VCF1: variants seen among roughly 807,000 people sequenced by gnomAD.
The protein encoded by VCF1 is protein VCF1.
At chr17:73,223,273 C>T in the VCF1 span, among the ~76,000 whole-genome samples, 8 of 152,066 alleles carry the variant, frequency 5.3e-5, no homozygotes, top group Non-Finnish European at 1.0e-4. Context: ...GCCGAGATTG[C>T]GCCATTGCAC....
chr17:73,213,245 G>GA, the VCF1 span, among the ~76,000 whole-genome samples: 86,498 of 145,438 alleles, frequency 0.59, 24,992 homozygotes, highest in Non-Finnish European at 0.62. Context: ...TGTCTCAAAA[G>GA]AAAAAAAAAA....
At chr17:73,219,650 CAAAAAAA>C in the VCF1 span, among the ~76,000 whole-genome samples, 1 of 122,770 alleles carries the variant, frequency 8.1e-6, no homozygotes, top group African/African-American at 3.0e-5. Context: ...ACTCTGTCTC[CAAAAAAA>C]AAGAAAAAAG....
At chr17:73,230,923 T>C in the VCF1 span, among the ~76,000 whole-genome samples, 1 of 152,236 alleles carries the variant, frequency 6.6e-6, no homozygotes, top group African/African-American at 2.4e-5. Context: ...TTTTCAGATA[T>C]GTGAGACACC....
chr17:73,229,867 CAAAAA>C, the VCF1 span, among the ~76,000 whole-genome samples: 7 of 22,622 alleles, frequency 3.1e-4, no homozygotes, highest in African/African-American at 8.8e-4. Flanking sequence ...GACTCCATCT[CAAAAA>C]AAAAAAAAAA....
At chr17:73,219,218 G>GA in the VCF1 span, among the ~76,000 whole-genome samples, 1 of 142,694 alleles carries the variant, frequency 7.0e-6, no homozygotes, top group Non-Finnish European at 1.5e-5. Flanking sequence ...AAAAAACGAC[G>GA]AAACTGCTTG....
the VCF1 span, among the ~76,000 whole-genome samples, chr17:73,221,283 A>C: frequency 1.6e-4 from 24 of 151,740 alleles, no homozygotes; most frequent in South Asian, 8.3e-4. Context: ...TACAAGGCAT[A>C]TACCTAGGTA....
At chr17:73,222,798 A>C in the VCF1 span, among the ~76,000 whole-genome samples, 21 of 151,830 alleles carry the variant, frequency 1.4e-4, no homozygotes, top group Non-Finnish European at 2.9e-4. Flanking sequence ...AAAAGAAAAA[A>C]AAAGAGAAGA....
the VCF1 span, chr17:73,227,398 A>C: frequency 1.4e-6 from 1 of 719,392 alleles, no homozygotes; most frequent in Admixed American, 3.8e-5. Flanking sequence ...ATGATATCCC[A>C]ATAGGTTATC....
chr17:73,220,631 G>C, the VCF1 span, among the ~76,000 whole-genome samples: 2 of 150,998 alleles, frequency 1.3e-5, 1 homozygote, highest in African/African-American at 4.9e-5. Context: ...TGTTAGTAGA[G>C]ACGGGGTTTC....
chr17:73,208,645 T>C, the VCF1 span: 1 of 688,714 alleles, frequency 1.5e-6, no homozygotes, highest in African/African-American at 1.8e-5. Context: ...TACTTGTTGC[T>C]TTAGACATCA....
the VCF1 span, among the ~76,000 whole-genome samples, chr17:73,215,081 C>A: frequency 1.3e-5 from 2 of 152,172 alleles, no homozygotes; most frequent in East Asian, 3.8e-4. Context: ...TGAACACAAG[C>A]AAGATAAATT....
At chr17:73,207,886 T>G in the VCF1 span, 1 of 1,188,444 alleles carries the variant, frequency 8.4e-7, no homozygotes, top group Non-Finnish European at 1.1e-6. Flanking sequence ...CATTAAGATC[T>G]AAAATCCTTG....
At chr17:73,213,655 T>C in the VCF1 span, among the ~76,000 whole-genome samples, 10 of 152,180 alleles carry the variant, frequency 6.6e-5, no homozygotes, top group Non-Finnish European at 1.0e-4. Flanking sequence ...AAGAAACTGA[T>C]AATGAGTAAG....
chr17:73,225,900 T>TATAATA, the VCF1 span, among the ~76,000 whole-genome samples: 2 of 77,898 alleles, frequency 2.6e-5, no homozygotes, highest in African/African-American at 1.3e-4. Context: ...TATATATATA[T>TATAATA]TTTTTTTTTT....
the VCF1 span, among the ~76,000 whole-genome samples, chr17:73,210,378 A>G: frequency 1.3e-5 from 2 of 152,094 alleles, no homozygotes; most frequent in African/African-American, 2.4e-5. Context: ...ATGTGTGTAC[A>G]TGAGCGTGCC....
chr17:73,222,637 C>T, the VCF1 span, among the ~76,000 whole-genome samples: 6 of 151,918 alleles, frequency 3.9e-5, no homozygotes, highest in Admixed American at 3.3e-4. Context: ...ATTTGCTGGG[C>T]GAGCTGGCGG....
chr17:73,218,530 G>A, the VCF1 span, among the ~76,000 whole-genome samples: 3 of 152,194 alleles, frequency 2.0e-5, no homozygotes, highest in African/African-American at 7.2e-5. Flanking sequence ...CCCAGCAGTA[G>A]AAAAAGATGT....
the VCF1 span, among the ~76,000 whole-genome samples, chr17:73,222,862 T>C: frequency 1.3e-5 from 2 of 151,980 alleles, no homozygotes; most frequent in Non-Finnish European, 2.9e-5. Context: ...GAACCTCTGT[T>C]CTATCTTCTG....
At chr17:73,232,330 C>T in the VCF1 span, 1 of 1,545,240 alleles carries the variant, frequency 6.5e-7, no homozygotes, top group South Asian at 1.2e-5. Flanking sequence ...TGGTACCGCC[C>T]TCTCGCGGCT....
Sources: allele counts gnomAD v4.1 joint callset (sites outside exome capture counted in the v4.1 genomes callset), GRCh38; gene constraint gnomAD v4.1.1; transcripts MANE v1.5; gene names NCBI Gene and HGNC (gene_info 2026-07-23, HGNC 2026-07-21).